Variants in MYL10 observed in about 807,000 individuals in gnomAD.
The protein encoded by MYL10 is myosin light chain 10, also known as myosin regulatory light chain 10.
MYL10 carries 18 observed loss-of-function variants against 21.9 expected under a neutral mutation model. The observed-to-expected ratio is 0.82, with a 90% CI of 0.57 to 1.22. The LOEUF (loss-of-function observed/expected upper bound fraction) is 1.22, where lower values mean the gene tolerates loss of function less well. Ranked by LOEUF, MYL10 falls within the 50% of genes most tolerant of loss-of-function variation. The pLI is 0.00. For synonymous variants in MYL10, 88 were observed against 82.8 expected (o/e 1.06, Z -0.34); for missense variants, 225 against 230.4 (o/e 0.98, Z 0.15).
Position 101,618,893 on chromosome 7 carries a change from A to T in MYL10, c.455-2595T>A, listed in dbSNP as rs1032802338. ...TGGACCGACACGAGCTTTTAGTCTCAATCTTCCCATCTGCGAAACAGGTTT... is the reference window on the plus strand; with the variant it reads ...TGGACCGACACGAGCTTTTAGTCTCTATCTTCCCATCTGCGAAACAGGTTT... On this transcript the variant is annotated intron_variant, in intron 5 of 7. Coordinates refer to ENST00000223167, the MANE Select transcript of MYL10 (RefSeq NM_138403.5). Among the ~76,000 whole-genome samples, 19 of 152,318 alleles carry T rather than the reference A, an allele frequency of 1.2e-4. No homozygotes were observed. The East Asian group carries it at 3.7e-3, about 29-fold the overall frequency.
chr7:101,622,548 A>C (rs912565043), intron 4 of MYL10, among the ~76,000 whole-genome samples: 3 of 152,102 alleles, frequency 2.0e-5, no homozygotes, highest in Admixed American at 6.6e-5. Context: ...CTGTGGTTCC[A>C]GGGGACACTC....
intron 6 of MYL10, among the ~76,000 whole-genome samples, 197 bp from the exon 7 acceptor site, chr7:101,613,907 G>C (rs1317184491): frequency 6.6e-6 from 1 of 152,044 alleles, no homozygotes; most frequent in East Asian, 1.9e-4. Flanking sequence ...CATGAAGTGG[G>C]CTTTCCTCCC....
At chr7:101,628,875 CA>C (rs1306305569) in intron 1 of MYL10, among the ~76,000 whole-genome samples, 165 bp downstream of exon 1, 4 of 152,214 alleles carry the variant, frequency 2.6e-5, no homozygotes, top group Non-Finnish European at 5.9e-5. Context: ...ATAAGAAGAG[CA>C]GCTAATATAC....
intron 1 of MYL10, among the ~76,000 whole-genome samples, chr7:101,625,406 G>A (rs1796731707): frequency 6.6e-6 from 1 of 152,164 alleles, no homozygotes; most frequent in African/African-American, 2.4e-5. Context: ...GGACGGGATG[G>A]CACAGAAATG....
rs368260959 is a variant in MYL10 at position 101,614,215 on chromosome 7, G to A, written c.534-505C>T. On this transcript the variant is annotated intron_variant, in intron 6 of 7. Coordinates refer to ENST00000223167, the MANE Select transcript of MYL10 (RefSeq NM_138403.5). Reference sequence around the variant, plus strand: ...AAGGGCCTGCCCCCTCAAGCTTGGAGGGTCCTGCAGGGTTCTTAAGGGAGC... The same window carrying A: ...AAGGGCCTGCCCCCTCAAGCTTGGAAGGTCCTGCAGGGTTCTTAAGGGAGC... 3.3e-4 allele frequency among the ~76,000 whole-genome samples: 50 copies of A among 152,322 alleles called. No homozygotes were observed. In the East Asian group the frequency reaches 8.5e-3, roughly 26 times the overall value.
chr7:101,629,008 G>T (rs1796777569), intron 1 of MYL10, 33 bp downstream of exon 1: 1 of 452,066 alleles, frequency 2.2e-6, no homozygotes, highest in South Asian at 1.6e-5. Context: ...CAGATAAGAA[G>T]TGGGGCCAGA....
chr7:101,628,118 G>A (rs1796768235), intron 1 of MYL10, among the ~76,000 whole-genome samples: 1 of 152,224 alleles, frequency 6.6e-6, no homozygotes, highest in South Asian at 2.1e-4. Flanking sequence ...CCCCCTCAGG[G>A]CACTGAAATG....
intron 5 of MYL10, among the ~76,000 whole-genome samples, chr7:101,620,858 G>A (rs377218875): frequency 6.7e-6 from 1 of 149,380 alleles, no homozygotes; most frequent in African/African-American, 2.5e-5. Context: ...GCACCATCTC[G>A]GCTCACGGCA....
chr7:101,625,249 T>C (rs367986802), intron 1 of MYL10, among the ~76,000 whole-genome samples: 13 of 152,276 alleles, frequency 8.5e-5, no homozygotes, highest in Admixed American at 3.9e-4. Flanking sequence ...AAGTCCACCA[T>C]TGGGCATTTG....
At chr7:101,628,704 A>G (rs1164164034) in intron 1 of MYL10, among the ~76,000 whole-genome samples, 1 of 152,300 alleles carries the variant, frequency 6.6e-6, no homozygotes, top group East Asian at 1.9e-4. Flanking sequence ...GGGGCCCGCC[A>G]TATCTGAACA....
chr7:101,614,924 C>T (rs935767677), intron 6 of MYL10, among the ~76,000 whole-genome samples: 3 of 152,138 alleles, frequency 2.0e-5, no homozygotes, highest in African/African-American at 4.8e-5. Flanking sequence ...TCTCACCTGC[C>T]CCAGGCCACC....
chr7:101,629,148 T>C lies in MYL10; in HGVS notation c.-30A>G. On this transcript the variant is annotated 5_prime_UTR_variant, in exon 1 of 8. Transcript: ENST00000223167. The stretch of plus-strand genomic sequence containing the variant: ...AAACTCTGTTTCTACAAAAAAATTT[T>C]TTTTAATTAAAAAATTAGTCAGGCA... 1 of 326,058 alleles carries C rather than the reference T, an allele frequency of 3.1e-6. No individual in the cohort carries two copies. The highest frequency in any genetic ancestry group is 2.3e-5 in the South Asian group (1 of 43,742). 20.2% of individuals were successfully genotyped at this position (326,058 alleles called of 1,614,324 possible).
intron 6 of MYL10, among the ~76,000 whole-genome samples, chr7:101,616,009 T>A (rs1796605315): frequency 6.6e-6 from 1 of 152,002 alleles, no homozygotes; most frequent in Admixed American, 6.6e-5. Flanking sequence ...TGACCCACCA[T>A]TTCTTATCCA....
At chr7:101,629,014 C>A (rs1372664698) in intron 1 of MYL10, 27 bp downstream of exon 1, 2 of 451,670 alleles carry the variant, frequency 4.4e-6, no homozygotes, top group East Asian at 1.4e-4. Flanking sequence ...AGAAGTGGGG[C>A]CAGAGGCCAG....
At chr7:101,616,032 C>T (rs920704053) in intron 6 of MYL10, among the ~76,000 whole-genome samples, 188 bp downstream of exon 6, 7 of 152,036 alleles carry the variant, frequency 4.6e-5, no homozygotes, top group Non-Finnish European at 8.8e-5. Context: ...TCTACTTCCA[C>T]GCACACATAG....
rs139814254 is a variant in MYL10, at chr7:101,625,869, C to G, written c.79-1605G>C. Among the ~76,000 whole-genome samples, 56 of 152,284 alleles carry G rather than the reference C, an allele frequency of 3.7e-4. 1 individual carries two copies. Among genetic ancestry groups the G allele is most frequent in the African/African-American group, 1.2e-3 (50 of 41,560 alleles). Reference sequence around the variant, plus strand: ...GGGAGGTTCTGCCCTTTCTCTGGCACACCTGGCTGTGGCCTCGGCGTCCTC... The same window carrying G: ...GGGAGGTTCTGCCCTTTCTCTGGCAGACCTGGCTGTGGCCTCGGCGTCCTC... On this transcript the variant is annotated intron_variant, in intron 1 of 7. Transcript: ENST00000223167.
Position 101,613,732 on chromosome 7 carries a change from T to C in MYL10, c.534-22A>G, listed in dbSNP as rs773985194. On this transcript the variant is annotated intron_variant, in intron 6 of 7. Transcript: ENST00000223167. The stretch of plus-strand genomic sequence containing the variant: ...GATGCTGTTCAAGGGAGAGACACAG[T>C]CATGTTCAGGGAACGGGATACCCAG... 19 of 1,613,404 alleles carry C rather than the reference T, an allele frequency of 1.2e-5. No homozygotes were observed. The East Asian group carries it at 3.8e-4, about 32-fold the overall frequency.
At chr7:101,625,049 T>TA (rs1255974710) in intron 1 of MYL10, among the ~76,000 whole-genome samples, 130 of 152,262 alleles carry the variant, frequency 8.5e-4, no homozygotes, top group African/African-American at 3.1e-3. Flanking sequence ...AAAACCCACT[T>TA]TGCCCCATCT....
intron 5 of MYL10, among the ~76,000 whole-genome samples, chr7:101,616,611 A>G (rs1345585390): frequency 6.6e-6 from 1 of 152,174 alleles, no homozygotes; most frequent in Non-Finnish European, 1.5e-5. Flanking sequence ...GCCCTTCCCT[A>G]TTTTACAGAT....
Sources: gnomAD v4.1 joint callset for allele counts (sites outside exome capture counted in the v4.1 genomes callset) on GRCh38, gnomAD v4.1.1 for gene constraint, MANE v1.5 for transcripts, NCBI Gene and HGNC (gene_info 2026-07-23, HGNC 2026-07-21) for gene names.